The following ROCK1 variants were observed in gnomAD, a reference collection of about 807,000 sequenced individuals.
ROCK1 encodes the protein rho-associated protein kinase 1.
In ROCK1, 36 loss-of-function variants were observed where a neutral mutation model predicts 196.8. The observed-to-expected ratio is 0.18, with a 90% CI of 0.14 to 0.24. The LOEUF (loss-of-function observed/expected upper bound fraction) is 0.24, where lower values mean the gene tolerates loss of function less well. Among genes scored for constraint, ROCK1 ranks in the 10% least tolerant of loss-of-function variants. The pLI, the probability that ROCK1 is intolerant of heterozygous loss-of-function variation, is 1.00. For synonymous variants in ROCK1, 443 were observed against 515.9 expected, an observed-to-expected ratio of 0.86 and a Z score of 1.91; for missense variants, 920 against 1,562.0, an observed-to-expected ratio of 0.59 and a Z score of 6.93.
intron 32 of ROCK1, among the ~76,000 whole-genome samples, chr18:20,952,606 T>C (rs1428019653): frequency 2.6e-5 from 4 of 151,600 alleles, no homozygotes; most frequent in Admixed American, 1.3e-4. Flanking sequence ...GATGAAACCC[T>C]CTCTCTACTA....
At position 21,015,584 on chromosome 18, in the gene ROCK1, C is replaced by G; in HGVS notation, c.1362-105G>C. 3 of 736,762 alleles carry G rather than the reference C, an allele frequency of 4.1e-6. No homozygotes were observed. The South Asian group carries it at 4.9e-5, about 12-fold the overall frequency. 45.6% of individuals were successfully genotyped at this position (736,762 alleles called of 1,614,324 possible). On this transcript the variant is annotated intron_variant, in intron 12 of 32. Transcript: ENST00000399799. ...TTCCACTTAACTAGAGTTTTGTATC[C>G]TTTCTTGGTGCCATGGATCTCTTTG...
intron 29 of ROCK1, among the ~76,000 whole-genome samples, chr18:20,957,935 C>T (rs2035261611): frequency 6.6e-6 from 1 of 152,130 alleles, no homozygotes; most frequent in South Asian, 2.1e-4. Flanking sequence ...GGCATAACCA[C>T]TGTGCCCAGC....
At chr18:21,027,620 ATTG>A (rs2035970161) in intron 10 of ROCK1, among the ~76,000 whole-genome samples, 1 of 152,220 alleles carries the variant, frequency 6.6e-6, no homozygotes, top group East Asian at 1.9e-4. Context: ...AAGCAGTATT[ATTG>A]TTATTATCAT....
At chr18:21,087,795 CAATT>C (rs1206174258) in intron 1 of ROCK1, among the ~76,000 whole-genome samples, 3 of 152,188 alleles carry the variant, frequency 2.0e-5, no homozygotes, top group Admixed American at 6.5e-5. Context: ...GAACTCAACA[CAATT>C]AATCAACAAG....
chr18:21,067,015 A>G (rs1399876247), intron 2 of ROCK1, among the ~76,000 whole-genome samples: 1 of 152,238 alleles, frequency 6.6e-6, no homozygotes, highest in East Asian at 1.9e-4. Context: ...ACTGTTTTCC[A>G]AAGTGCCTTA....
intron 2 of ROCK1, among the ~76,000 whole-genome samples, chr18:21,055,977 ACT>A (rs1598546240): frequency 3.3e-5 from 5 of 151,990 alleles, no homozygotes; most frequent in Admixed American, 1.3e-4. Flanking sequence ...CACTTCAATC[ACT>A]CTCTCCTGAT....
At chr18:21,017,845 C>T (rs1371472149) in intron 12 of ROCK1, among the ~76,000 whole-genome samples, 7 of 151,468 alleles carry the variant, frequency 4.6e-5, no homozygotes, top group Non-Finnish European at 8.8e-5. Context: ...TGGTGGCGGG[C>T]GCCTGTAGTC....
chr18:20,976,280 C>T (rs1430090496), intron 22 of ROCK1, among the ~76,000 whole-genome samples: 3 of 152,144 alleles, frequency 2.0e-5, no homozygotes, highest in Non-Finnish European at 4.4e-5. Context: ...TCAATAATTC[C>T]ATATTCTTCT....
chr18:20,982,584 A>T (rs1036301482), intron 21 of ROCK1, among the ~76,000 whole-genome samples, 179 bp downstream of exon 21: 10 of 152,190 alleles, frequency 6.6e-5, no homozygotes, highest in Non-Finnish European at 1.2e-4. Context: ...AACATATACC[A>T]ATGATAGCCT....
At chr18:21,067,595 C>G (rs2036347405) in intron 2 of ROCK1, among the ~76,000 whole-genome samples, 1 of 152,010 alleles carries the variant, frequency 6.6e-6, no homozygotes, top group Admixed American at 6.6e-5. Context: ...CCATGTTGGC[C>G]AGGCTGGTCT....
At chr18:20,990,413 T>TA (rs2035613875) in intron 18 of ROCK1, among the ~76,000 whole-genome samples, 1 of 149,986 alleles carries the variant, frequency 6.7e-6, no homozygotes, top group Admixed American at 6.6e-5. Context: ...ATTGTGATCT[T>TA]AAAAAATGGA....
At chr18:20,955,305 A>C (rs2035231071) in intron 29 of ROCK1, 60 bp from the exon 30 acceptor site, 1 of 1,430,982 alleles carries the variant, frequency 7.0e-7, no homozygotes, top group Admixed American at 2.6e-5. Context: ...AAGACATTTC[A>C]CTAAAGAGGA....
At chr18:21,076,605 G>A (rs2036433609) in intron 1 of ROCK1, among the ~76,000 whole-genome samples, 1 of 151,794 alleles carries the variant, frequency 6.6e-6, no homozygotes, top group African/African-American at 2.4e-5. Context: ...GTAGAGATGG[G>A]GTTTCACCAT....
At chr18:20,968,899 A>G in intron 24 of ROCK1, 39 bp from the exon 25 acceptor site, 1 of 1,317,586 alleles carries the variant, frequency 7.6e-7, no homozygotes, top group Non-Finnish European at 1.1e-6. Flanking sequence ...GTATGGTATT[A>G]ATTTAATTTC....
chr18:20,952,312 G>C (rs549248888), intron 32 of ROCK1, among the ~76,000 whole-genome samples: 1 of 152,206 alleles, frequency 6.6e-6, no homozygotes, highest in East Asian at 1.9e-4. Context: ...AACCTGGGAG[G>C]CAGAGGTTGC....
At chr18:20,990,595 G>A (rs1281382502) in intron 18 of ROCK1, among the ~76,000 whole-genome samples, 7 of 145,086 alleles carry the variant, frequency 4.8e-5, no homozygotes, top group Admixed American at 3.5e-4. Flanking sequence ...TCGGGAGGCT[G>A]AGGCAGGAGA....
At chr18:21,104,567 G>A (rs925452867) in intron 1 of ROCK1, among the ~76,000 whole-genome samples, 3 of 152,052 alleles carry the variant, frequency 2.0e-5, no homozygotes, top group Non-Finnish European at 2.9e-5. Flanking sequence ...ACGGCACTTC[G>A]GACTGGGCGG....
In ROCK1 at chr18:21,042,669, T is replaced by C; in HGVS notation, c.716A>G (p.Asp239Gly). 6.2e-7 allele frequency: 1 copy of C among 1,613,890 alleles called. No homozygotes were observed. Among genetic ancestry groups the C allele is most frequent in the Non-Finnish European group, 8.5e-7 (1 of 1,179,854 alleles). ...TTTTAATACTTCAGGGGAAATATAA[T>C]CAGGTGTTCCAACCGCTGTATCACA... Reference protein sequence around the residue: ...VRCDTAVGTPDYISPEVLKSQ... With the variant: ...VRCDTAVGTPGYISPEVLKSQ... The change falls in exon 7 of 33, where the codon GAT (aspartate) becomes GGT (glycine). Residue 239 changes from aspartate to glycine, a missense_variant. Around this residue, in one of 6 missense-constraint regions of ROCK1, gnomAD observed 234 missense variants for 460.7 expected, o/e 0.51. Transcript: ENST00000399799.
At position 21,059,071 on chromosome 18, in the gene ROCK1, T is replaced by G. The variant is rs182922531; in HGVS notation, c.176-9191A>C. 2.4e-4 allele frequency among the ~76,000 whole-genome samples: 36 copies of G among 152,062 alleles called. No individual in the cohort carries two copies. The East Asian group carries it at 7.0e-3, about 29-fold the overall frequency. ...AAAATCCAGACTCCTAAATTCAAAC[T>G]CCTCAACATGGCAAAAAAATATATA... On this transcript the variant is annotated intron_variant, in intron 2 of 32. Coordinates refer to ENST00000399799, the MANE Select transcript of ROCK1 (RefSeq NM_005406.3).
Sources: allele counts gnomAD v4.1 joint callset (sites outside exome capture counted in the v4.1 genomes callset), GRCh38; gene constraint gnomAD v4.1.1; regional missense constraint gnomAD v4.1.1; transcripts MANE v1.5; gene names NCBI Gene and HGNC (gene_info 2026-07-23, HGNC 2026-07-21).